Variants in EIF4H observed in about 807,000 individuals in gnomAD.
EIF4H encodes eukaryotic translation initiation factor 4H.
In EIF4H, 8 loss-of-function variants were observed where a neutral mutation model predicts 30.6. That is an observed-to-expected ratio of 0.26 (90% CI 0.15 to 0.47). EIF4H has a LOEUF of 0.47. Ranked by LOEUF, EIF4H falls within the 20% of genes least tolerant of loss-of-function variation. The probability of loss-of-function intolerance (pLI) is 0.99; values close to 1 mark genes in which losing one functional copy is unlikely to be tolerated. For missense variants in EIF4H, 188 were observed against 339.5 expected (o/e 0.55, Z 3.51); for synonymous variants, 106 against 122.7 (o/e 0.86, Z 0.90).
chr7:74,186,788 A>ATTTTT (rs564794579), intron 1 of EIF4H, among the ~76,000 whole-genome samples: 6 of 70,116 alleles, frequency 8.6e-5, no homozygotes, highest in African/African-American at 1.5e-4. Flanking sequence ...ACAAGGAGAA[A>ATTTTT]TTTTTTTTTT....
intron 1 of EIF4H, among the ~76,000 whole-genome samples, chr7:74,181,425 G>GT (rs1800959066): frequency 1.3e-5 from 2 of 151,022 alleles, no homozygotes; most frequent in African/African-American, 4.9e-5. Flanking sequence ...TGTTTTTTTT[G>GT]TTTTTTGTTT....
intron 4 of EIF4H, 92 bp from the exon 5 acceptor site, chr7:74,190,155 C>T (rs533106853): frequency 1.0e-5 from 14 of 1,349,192 alleles, no homozygotes; most frequent in Admixed American, 1.9e-5. Flanking sequence ...CCTTCCATCA[C>T]TTGAGTTGTA....
chr7:74,187,895 A>G, intron 2 of EIF4H, 97 bp downstream of exon 2: 1 of 1,363,038 alleles, frequency 7.3e-7, no homozygotes, highest in Non-Finnish European at 9.8e-7. Flanking sequence ...CAGAGGCTGT[A>G]ATCAAGAAAG....
Position 74,187,872 on chromosome 7 carries a change from T to C in EIF4H, c.247+74T>C, listed in dbSNP as rs577126250. ...GATGGGAAGGGGTTCTAAATAAAAA[T>C]AGATTTGTGAACCAGAGGCTGTAAT... On this transcript the variant is annotated intron_variant, in intron 2 of 6. Coordinates refer to ENST00000265753, the MANE Select transcript of EIF4H (RefSeq NM_022170.2). The C allele has an allele frequency of 6.5e-5, 93 of 1,423,824 alleles. 1 individual carries two copies. In the South Asian group the frequency reaches 1.4e-3, roughly 21 times the overall value. The allele number at this position is 1,423,824 out of a possible 1,614,324, so 88.2% of individuals were successfully genotyped here. A position where few individuals can be genotyped will look rare whatever the true frequency, so the allele number is the denominator to read the frequency against.
intron 1 of EIF4H, among the ~76,000 whole-genome samples, chr7:74,184,213 T>G (rs1801031819): frequency 6.6e-6 from 1 of 152,184 alleles, no homozygotes; most frequent in Non-Finnish European, 1.5e-5. Flanking sequence ...CCTGTCCTAG[T>G]GCATTTTTAG....
chr7:74,195,418 C>T lies in EIF4H; in HGVS notation c.*110C>T. 1.6e-6 allele frequency: 2 copies of T among 1,286,886 alleles called. No homozygotes were observed. Among genetic ancestry groups the T allele is most frequent in the South Asian group, 3.0e-5 (2 of 66,138 alleles). 79.7% of individuals were successfully genotyped at this position (1,286,886 alleles called of 1,614,324 possible). A position where few individuals can be genotyped will look rare whatever the true frequency, so the allele number is the denominator to read the frequency against. The stretch of plus-strand genomic sequence containing the variant: ...CCACTCCTGCGCCTGCCATTGGCCT[C>T]CTCACAGCGGAAACACAGCTTGTGA... On this transcript the variant is annotated 3_prime_UTR_variant, in exon 7 of 7. Coordinates refer to ENST00000265753, the MANE Select transcript of EIF4H (RefSeq NM_022170.2).
intron 1 of EIF4H, among the ~76,000 whole-genome samples, chr7:74,175,320 G>T (rs1025470873): frequency 6.6e-6 from 1 of 152,038 alleles, no homozygotes; most frequent in Non-Finnish European, 1.5e-5. Context: ...TAGAATATAG[G>T]CTATGAACAT....
At chr7:74,182,081 A>G (rs1489611769) in intron 1 of EIF4H, among the ~76,000 whole-genome samples, 1 of 152,104 alleles carries the variant, frequency 6.6e-6, no homozygotes, top group Non-Finnish European at 1.5e-5. Context: ...TCTTTAACCA[A>G]CAGTTTTTCC....
chr7:74,178,486 T>C (rs1034011113), intron 1 of EIF4H, among the ~76,000 whole-genome samples: 1 of 151,652 alleles, frequency 6.6e-6, no homozygotes, highest in African/African-American at 2.4e-5. Context: ...GGAGGTTGCA[T>C]TGAGCTGAGA....
chr7:74,196,269 G>A lies in EIF4H; in HGVS notation c.*961G>A, dbSNP rs1801350586. 1 of 152,776 alleles carries A rather than the reference G, an allele frequency of 6.5e-6. No homozygotes were observed. 9.5% of individuals were successfully genotyped at this position (152,776 alleles called of 1,614,324 possible). On this transcript the variant is annotated 3_prime_UTR_variant, in exon 7 of 7. Transcript: ENST00000265753. ...CCCATCCCTGTTGCCTGTGTGTTGT[G>A]TGGATCTGTTCCTAGTATAGGCAAC...
chr7:74,190,234 T>C lies in EIF4H; in HGVS notation c.410-13T>C. The stretch of plus-strand genomic sequence containing the variant: ...GACACGACCTCAACTTTATCTTTTT[T>C]GTGTATCCTCAGGAATGGGTAGCTC... On this transcript the variant is annotated splice_polypyrimidine_tract_variant and intron_variant, in intron 4 of 6. Coordinates refer to ENST00000265753, the MANE Select transcript of EIF4H (RefSeq NM_022170.2). 6.2e-7 allele frequency: 1 copy of C among 1,613,330 alleles called. No individual in the cohort carries two copies. The highest frequency in any genetic ancestry group is 8.5e-7 in the Non-Finnish European group (1 of 1,179,490).
chr7:74,174,625 C>G (rs1267773796), intron 1 of EIF4H, among the ~76,000 whole-genome samples, 183 bp downstream of exon 1: 2 of 152,124 alleles, frequency 1.3e-5, no homozygotes, highest in African/African-American at 4.8e-5. Context: ...GCGGCGGCGG[C>G]TGGGCTCCCG....
At position 74,187,949 on chromosome 7, in the gene EIF4H, A is replaced by G. The variant is rs180728211; in HGVS notation, c.247+151A>G. ...GGTCTAAGTGGCCGAAAGAAACATA[A>G]CTCTTCAACTCATAGGTCTTCAGTT... On this transcript the variant is annotated intron_variant, in intron 2 of 6. Coordinates refer to ENST00000265753, the MANE Select transcript of EIF4H (RefSeq NM_022170.2). 1.3e-5 allele frequency: 11 copies of G among 857,440 alleles called. No individual in the cohort carries two copies. In the Admixed American group the frequency reaches 3.1e-4, roughly 24 times the overall value. 53.1% of individuals were successfully genotyped at this position (857,440 alleles called of 1,614,324 possible).
Position 74,186,565 on chromosome 7 carries a change from A to G in EIF4H, c.60-1046A>G, listed in dbSNP as rs548262299. On this transcript the variant is annotated intron_variant, in intron 1 of 6. Coordinates refer to ENST00000265753, the MANE Select transcript of EIF4H (RefSeq NM_022170.2). ...TCAAGGTCATATGCTAGTAAGTGAC[A>G]GAGGCTAGATTTAAACCAATACCTA... 1.2e-4 allele frequency among the ~76,000 whole-genome samples: 18 copies of G among 152,312 alleles called. No individual in the cohort carries two copies. The East Asian group carries it at 2.5e-3, about 21-fold the overall frequency.
intron 1 of EIF4H, among the ~76,000 whole-genome samples, chr7:74,186,123 G>A (rs1801075232): frequency 6.6e-6 from 1 of 151,858 alleles, no homozygotes; most frequent in African/African-American, 2.4e-5. Flanking sequence ...AACAAATGTT[G>A]GCCATCTTGG....
chr7:74,190,027 T>G (rs566297247), intron 4 of EIF4H, 109 bp downstream of exon 4: 139 of 1,306,174 alleles, frequency 1.1e-4, no homozygotes, highest in Non-Finnish European at 1.3e-4. Context: ...GTGTGATAGG[T>G]TCTCGTGAGC....
chr7:74,194,136 C>T (rs770699247), intron 5 of EIF4H, among the ~76,000 whole-genome samples: 4 of 152,196 alleles, frequency 2.6e-5, no homozygotes, highest in African/African-American at 4.8e-5. Context: ...GGGGGTGAGG[C>T]GCTGTGCTCT....
intron 6 of EIF4H, 122 bp from the exon 7 acceptor site, chr7:74,195,047 G>C: frequency 6.5e-7 from 1 of 1,528,440 alleles, no homozygotes; most frequent in South Asian, 1.3e-5. Context: ...CTGCTGTTGG[G>C]GTAGCAGGCC....
intron 5 of EIF4H, among the ~76,000 whole-genome samples, chr7:74,193,551 G>T (rs1192840837): frequency 3.3e-5 from 5 of 152,064 alleles, no homozygotes; most frequent in Non-Finnish European, 7.4e-5. Flanking sequence ...GGCACCCCCT[G>T]AGTGCGCAAC....
Sources: gnomAD v4.1 joint callset for allele counts (sites outside exome capture counted in the v4.1 genomes callset) on GRCh38, gnomAD v4.1.1 for gene constraint, MANE v1.5 for transcripts, NCBI Gene and HGNC (gene_info 2026-07-23, HGNC 2026-07-21) for gene names.